DISC1: variants seen among roughly 807,000 people sequenced by gnomAD.
DISC1 encodes disrupted in schizophrenia 1 protein.
A neutral mutation model predicts 84.5 loss-of-function variants in DISC1; 57 were observed. That is an observed-to-expected ratio of 0.67 (90% CI 0.55 to 0.84). The LOEUF is 0.84. Ranked by LOEUF, DISC1 falls within the 40% of genes least tolerant of loss-of-function variation. The pLI is 0.00. For synonymous variants in DISC1, 411 were observed against 415.2 expected, an observed-to-expected ratio of 0.99 and a Z score of 0.12; for missense variants, 1,000 against 1,057.8, an observed-to-expected ratio of 0.95 and a Z score of 0.76.
chr1:232,033,454 A>G (rs1027390963), intron 12 of DISC1, among the ~76,000 whole-genome samples: 2 of 152,224 alleles, frequency 1.3e-5, no homozygotes, highest in Admixed American at 6.5e-5. Flanking sequence ...TTCTCAGCAC[A>G]GCAGCCAAAC....
chr1:231,883,671 C>T (rs1239098511), intron 9 of DISC1, among the ~76,000 whole-genome samples: 1 of 152,042 alleles, frequency 6.6e-6, no homozygotes, highest in Non-Finnish European at 1.5e-5. Context: ...AGGCAGGGAG[C>T]CTGAGGCCTG....
chr1:231,637,610 T>A (rs2059308829), intron 1 of DISC1, among the ~76,000 whole-genome samples: 1 of 151,592 alleles, frequency 6.6e-6, no homozygotes, highest in Admixed American at 6.6e-5. Context: ...TGTTTCTGTG[T>A]CTGACTTGTT....
intron 7 of DISC1, among the ~76,000 whole-genome samples, chr1:231,795,906 TTTC>T (rs2078726030): frequency 6.6e-6 from 1 of 152,076 alleles, no homozygotes; most frequent in African/African-American, 2.4e-5. Context: ...AAAAAAATGC[TTTC>T]AGGATGGTAG....
rs1032897541 is a variant in DISC1, at chr1:231,827,228, C to T, written c.1981+8711C>T. 5.3e-5 allele frequency among the ~76,000 whole-genome samples: 8 copies of T among 152,134 alleles called. No individual in the cohort carries two copies. The South Asian group carries it at 1.7e-3, about 32-fold the overall frequency. On this transcript the variant is annotated intron_variant, in intron 9 of 12. Coordinates refer to ENST00000439617, the MANE Select transcript of DISC1 (RefSeq NM_018662.3). ...GTCTTGAACTCCTGACCTCATGATC[C>T]ACCTGCCTCGGCCCCCTAAAGGGCT... is the stretch of plus-strand genomic sequence containing the variant.
chr1:231,986,278 A>G (rs1185163177), intron 10 of DISC1, among the ~76,000 whole-genome samples: 1 of 152,144 alleles, frequency 6.6e-6, no homozygotes, highest in East Asian at 1.9e-4. Flanking sequence ...TGAAGCTGCC[A>G]TGTTTATGTG....
intron 4 of DISC1, among the ~76,000 whole-genome samples, chr1:231,759,357 C>G (rs2075419997): frequency 6.6e-6 from 1 of 151,798 alleles, no homozygotes; most frequent in African/African-American, 2.4e-5. Flanking sequence ...ACATTTTACC[C>G]AGGATATAAA....
intron 3 of DISC1, among the ~76,000 whole-genome samples, chr1:231,728,587 G>A (rs1332584649): frequency 2.6e-5 from 4 of 152,152 alleles, no homozygotes; most frequent in South Asian, 2.1e-4. Context: ...AGAGCCTAAC[G>A]GCCAAAGATG....
At chr1:231,686,073 G>A (rs765804364) in intron 1 of DISC1, among the ~76,000 whole-genome samples, 5 of 152,170 alleles carry the variant, frequency 3.3e-5, no homozygotes, top group South Asian at 2.1e-4. Context: ...CACCCCTGTC[G>A]CTTTGCAGGG....
At chr1:231,714,868 A>T (rs372135867) in intron 3 of DISC1, among the ~76,000 whole-genome samples, 2 of 152,204 alleles carry the variant, frequency 1.3e-5, no homozygotes, top group African/African-American at 4.8e-5. Flanking sequence ...CACCACATGG[A>T]TTCATTTGAA....
At chr1:231,644,076 T>C (rs2059940007) in intron 1 of DISC1, among the ~76,000 whole-genome samples, 1 of 152,246 alleles carries the variant, frequency 6.6e-6, no homozygotes, top group Non-Finnish European at 1.5e-5. Context: ...AGACAGAGAA[T>C]TCTGGAGAGG....
intron 10 of DISC1, among the ~76,000 whole-genome samples, chr1:232,002,650 C>G (rs1666861640): frequency 6.7e-6 from 1 of 149,090 alleles, no homozygotes; most frequent in African/African-American, 2.5e-5. Context: ...AAAGCCAATC[C>G]CTTAAGGTAT....
intron 3 of DISC1, among the ~76,000 whole-genome samples, chr1:231,702,812 T>C (rs1389343159): frequency 2.0e-5 from 3 of 152,034 alleles, no homozygotes; most frequent in Non-Finnish European, 4.4e-5. Context: ...AGATGCTCAT[T>C]GCAAGATCTC....
intron 9 of DISC1, chr1:231,819,373 GA>G: frequency 5.6e-6 from 1 of 178,734 alleles, no homozygotes; most frequent in Non-Finnish European, 1.1e-5. Context: ...GCTAGATTGA[GA>G]AATATAAAAT....
At chr1:231,906,317 C>G (rs915192656) in intron 9 of DISC1, among the ~76,000 whole-genome samples, 2 of 152,094 alleles carry the variant, frequency 1.3e-5, no homozygotes, top group Non-Finnish European at 2.9e-5. Flanking sequence ...TCACCATGCC[C>G]GGTCAAGGGC....
chr1:231,832,283 G>A (rs866977321), intron 9 of DISC1, among the ~76,000 whole-genome samples: 35 of 151,574 alleles, frequency 2.3e-4, no homozygotes, highest in African/African-American at 7.5e-4. Flanking sequence ...TTAAAGCAGC[G>A]GCAGCCGCTG....
At chr1:231,832,309 G>A (rs2082294228) in intron 9 of DISC1, among the ~76,000 whole-genome samples, 1 of 151,072 alleles carries the variant, frequency 6.6e-6, no homozygotes, top group African/African-American at 2.4e-5. Flanking sequence ...AGACATGAGG[G>A]CTAGGCTAAA....
intron 9 of DISC1, among the ~76,000 whole-genome samples, chr1:231,835,543 CTTTTG>C (rs980289626): frequency 2.6e-5 from 4 of 152,084 alleles, no homozygotes; most frequent in African/African-American, 9.7e-5. Context: ...ATTTTCACTT[CTTTTG>C]TGGTGGAATG....
At chr1:231,945,738 A>G (rs1657050461) in intron 9 of DISC1, among the ~76,000 whole-genome samples, 1 of 152,222 alleles carries the variant, frequency 6.6e-6, no homozygotes, top group African/African-American at 2.4e-5. Flanking sequence ...AGAAGAATAG[A>G]GAGAAGAATC....
intron 9 of DISC1, among the ~76,000 whole-genome samples, chr1:231,906,570 C>G (rs1201313333): frequency 6.6e-6 from 1 of 152,148 alleles, no homozygotes; most frequent in Non-Finnish European, 1.5e-5. Flanking sequence ...CAAAACTAAA[C>G]TAAACTAAAA....
Sources: gnomAD v4.1 joint callset for allele counts (sites outside exome capture counted in the v4.1 genomes callset) on GRCh38, gnomAD v4.1.1 for gene constraint, MANE v1.5 for transcripts, NCBI Gene and HGNC (gene_info 2026-07-23, HGNC 2026-07-21) for gene names.